The following C1orf21 variants were observed in gnomAD, a reference collection of about 807,000 sequenced individuals.
The protein encoded by C1orf21 is uncharacterized protein C1orf21.
A neutral mutation model predicts 18.7 loss-of-function variants in C1orf21; 3 were observed. The observed-to-expected ratio is 0.16, with a 90% CI of 0.07 to 0.42. C1orf21 has a LOEUF of 0.42. Ranked by LOEUF, C1orf21 falls within the 10% of genes least tolerant of loss-of-function variation. The pLI is 0.99. For synonymous variants in C1orf21, 41 were observed against 46.4 expected, an observed-to-expected ratio of 0.88 and a Z score of 0.47; for missense variants, 104 against 143.6, an observed-to-expected ratio of 0.72 and a Z score of 1.41.
chr1:184,467,527 G>A (rs1657420728), intron 1 of C1orf21, among the ~76,000 whole-genome samples: 1 of 152,140 alleles, frequency 6.6e-6, no homozygotes, highest in African/African-American at 2.4e-5. Flanking sequence ...GCCTTTGCAG[G>A]TGCTGTACAG....
chr1:184,500,091 A>T (rs1443857302), intron 2 of C1orf21, among the ~76,000 whole-genome samples: 2 of 152,100 alleles, frequency 1.3e-5, no homozygotes, highest in African/African-American at 4.8e-5. Context: ...ATCCTTGGCC[A>T]CTCATTCTGT....
intron 5 of C1orf21, among the ~76,000 whole-genome samples, chr1:184,611,015 T>G (rs1386517209): frequency 1.3e-5 from 2 of 152,178 alleles, no homozygotes; most frequent in African/African-American, 2.4e-5. Flanking sequence ...GCTGTTATTA[T>G]CACGGTGATC....
chr1:184,440,406 A>G (rs1372948349), intron 1 of C1orf21, among the ~76,000 whole-genome samples: 4 of 151,824 alleles, frequency 2.6e-5, no homozygotes, highest in African/African-American at 7.3e-5. Flanking sequence ...TACACCGGCC[A>G]TTTTGTTGTT....
intron 3 of C1orf21, among the ~76,000 whole-genome samples, chr1:184,523,296 T>C (rs919912752): frequency 6.6e-6 from 1 of 152,128 alleles, no homozygotes; most frequent in African/African-American, 2.4e-5. Flanking sequence ...TGATAAGTCA[T>C]GTTAATAGCA....
chr1:184,550,534 G>C (rs58410277), intron 3 of C1orf21, among the ~76,000 whole-genome samples: 1 of 152,024 alleles, frequency 6.6e-6, no homozygotes, highest in African/African-American at 2.4e-5. Flanking sequence ...TTCTTTGTTT[G>C]TTTGTTTGTT....
intron 1 of C1orf21, among the ~76,000 whole-genome samples, chr1:184,388,399 A>G (rs1655920219): frequency 6.6e-6 from 1 of 152,192 alleles, no homozygotes; most frequent in Non-Finnish European, 1.5e-5. Flanking sequence ...GAAGTCGGTG[A>G]CCTATGGGAT....
At chr1:184,568,622 C>A (rs1338338279) in intron 3 of C1orf21, 1 of 286,710 alleles carries the variant, frequency 3.5e-6, no homozygotes, top group Non-Finnish European at 6.9e-6. Flanking sequence ...TAACTTAAAA[C>A]CTATTTTTTA....
At chr1:184,485,311 AATT>A (rs1397004172) in intron 2 of C1orf21, among the ~76,000 whole-genome samples, 2 of 152,140 alleles carry the variant, frequency 1.3e-5, no homozygotes, top group South Asian at 2.1e-4. Flanking sequence ...GCTTATTAAT[AATT>A]ATTGATTACA....
intron 1 of C1orf21, among the ~76,000 whole-genome samples, chr1:184,459,173 A>G (rs4651207): frequency 0.1 from 15,529 of 152,192 alleles, 1,121 homozygotes; most frequent in African/African-American, 0.2. Flanking sequence ...CATCTTTACT[A>G]GAAGAATAAA....
chr1:184,486,215 G>A (rs1315155217), intron 2 of C1orf21, among the ~76,000 whole-genome samples: 1 of 152,180 alleles, frequency 6.6e-6, no homozygotes, highest in Non-Finnish European at 1.5e-5. Flanking sequence ...TTCCTTTTAG[G>A]TGGTTCCTGG....
intron 1 of C1orf21, among the ~76,000 whole-genome samples, chr1:184,460,679 CTTCTTCT>C (rs1657293567): frequency 1.2e-5 from 1 of 82,886 alleles, no homozygotes; most frequent in African/African-American, 3.5e-5. Context: ...TCTTCTTCTT[CTTCTTCT>C]TTCTTCTTTC....
chr1:184,628,729 C>T lies in C1orf21; in HGVS notation c.*9173C>T, dbSNP rs1266402136. ...ATGCGATTGATTGTTCATCTTCCCT[C>T]TCTGGGTCTCCAGAAAAGGACACTG... On this transcript the variant is annotated 3_prime_UTR_variant, in exon 6 of 6. Coordinates refer to ENST00000235307, the MANE Select transcript of C1orf21 (RefSeq NM_030806.4). 1 of 152,658 alleles carries T rather than the reference C, an allele frequency of 6.6e-6. No individual in the cohort carries two copies. Among genetic ancestry groups the T allele is most frequent in the Non-Finnish European group, 1.5e-5 (1 of 68,076 alleles). The allele number at this position is 152,658 out of a possible 1,614,324, so 9.5% of individuals were successfully genotyped here.
chr1:184,568,311 C>A (rs1348506038), intron 3 of C1orf21: 3 of 399,376 alleles, frequency 7.5e-6, no homozygotes, highest in Non-Finnish European at 1.5e-5. Context: ...CCATCACCAC[C>A]ATCCATCTCC....
At chr1:184,399,736 T>C (rs1182136424) in intron 1 of C1orf21, among the ~76,000 whole-genome samples, 1 of 152,124 alleles carries the variant, frequency 6.6e-6, no homozygotes, top group African/African-American at 2.4e-5. Flanking sequence ...AGTCTAACAG[T>C]GGATTTAGGT....
At chr1:184,487,898 C>G (rs1657756056) in intron 2 of C1orf21, among the ~76,000 whole-genome samples, 1 of 152,192 alleles carries the variant, frequency 6.6e-6, no homozygotes, top group Non-Finnish European at 1.5e-5. Context: ...ATTTGTAAAT[C>G]TTAGCATAGT....
chr1:184,446,283 C>T (rs1044452607), intron 1 of C1orf21, among the ~76,000 whole-genome samples: 1 of 151,912 alleles, frequency 6.6e-6, no homozygotes, highest in Non-Finnish European at 1.5e-5. Context: ...CTGTCTCTCT[C>T]CTCACTGTCT....
chr1:184,596,047 G>T (rs1375362828), intron 4 of C1orf21, among the ~76,000 whole-genome samples: 1 of 152,204 alleles, frequency 6.6e-6, no homozygotes, highest in Non-Finnish European at 1.5e-5. Flanking sequence ...TCAAGCTCCT[G>T]ATAGGGATCC....
At chr1:184,431,728 A>G (rs1319997816) in intron 1 of C1orf21, among the ~76,000 whole-genome samples, 1 of 152,186 alleles carries the variant, frequency 6.6e-6, no homozygotes, top group South Asian at 2.1e-4. Context: ...CATCTTACAA[A>G]GGGCTAATAT....
chr1:184,616,910 C>G (rs886391058), intron 5 of C1orf21, among the ~76,000 whole-genome samples: 4 of 152,178 alleles, frequency 2.6e-5, no homozygotes, highest in African/African-American at 9.7e-5. Context: ...ACATCGGTTT[C>G]TGGCCTGTCT....
Sources: allele counts gnomAD v4.1 joint callset (sites outside exome capture counted in the v4.1 genomes callset), GRCh38; gene constraint gnomAD v4.1.1; transcripts MANE v1.5; gene names NCBI Gene and HGNC (gene_info 2026-07-23, HGNC 2026-07-21).